The following CLSTN2 variants were observed in gnomAD, a reference collection of about 807,000 sequenced individuals.
CLSTN2 encodes the protein calsyntenin 2.
CLSTN2 carries 48 observed loss-of-function variants against 101.2 expected under a neutral mutation model. The observed-to-expected ratio is 0.47, with a 90% CI of 0.38 to 0.60. The LOEUF is 0.60. CLSTN2 is among the 20% of genes least tolerant of loss of function. CLSTN2 has a pLI of 0.00. For missense variants in CLSTN2, 1,160 were observed against 1,238.2 expected, an observed-to-expected ratio of 0.94 and a Z score of 0.95; for synonymous variants, 481 against 463.6, an observed-to-expected ratio of 1.04 and a Z score of -0.48.
chr3:140,068,770 T>G (rs2008343166), intron 1 of CLSTN2, among the ~76,000 whole-genome samples: 1 of 152,228 alleles, frequency 6.6e-6, no homozygotes, highest in South Asian at 2.1e-4. Context: ...AAACTATCAT[T>G]CATTAAACAT....
intron 1 of CLSTN2, among the ~76,000 whole-genome samples, chr3:140,003,063 T>C (rs1185509453): frequency 6.6e-6 from 1 of 151,968 alleles, no homozygotes; most frequent in Admixed American, 6.6e-5. Flanking sequence ...TGTGGTTCCA[T>C]ATAAATTTTA....
intron 8 of CLSTN2, among the ~76,000 whole-genome samples, chr3:140,525,524 C>A (rs1424996169): frequency 6.6e-6 from 1 of 152,162 alleles, no homozygotes; most frequent in Non-Finnish European, 1.5e-5. Context: ...ACCAATCCTA[C>A]TGAAACTATT....
intron 2 of CLSTN2, among the ~76,000 whole-genome samples, chr3:140,378,505 G>A (rs865837043): frequency 6.6e-6 from 1 of 152,226 alleles, no homozygotes; most frequent in Non-Finnish European, 1.5e-5. Context: ...GAAAGGTGGA[G>A]CTCAAGACGC....
chr3:140,138,485 G>A (rs1401352502), intron 1 of CLSTN2, among the ~76,000 whole-genome samples: 2 of 152,218 alleles, frequency 1.3e-5, no homozygotes, highest in South Asian at 2.1e-4. Context: ...GGGGTCTGGA[G>A]GTAGCACAGT....
chr3:140,225,316 C>T (rs1204199251), intron 2 of CLSTN2, among the ~76,000 whole-genome samples: 1 of 152,148 alleles, frequency 6.6e-6, no homozygotes, highest in Non-Finnish European at 1.5e-5. Context: ...TATCTGGCTC[C>T]TGGAGTGTGA....
At chr3:140,227,869 G>A (rs915990953) in intron 2 of CLSTN2, among the ~76,000 whole-genome samples, 2 of 152,140 alleles carry the variant, frequency 1.3e-5, no homozygotes, top group Non-Finnish European at 2.9e-5. Context: ...AGCTGGAGTG[G>A]CTGGGACACA....
At chr3:140,070,639 T>C (rs1407239214) in intron 1 of CLSTN2, among the ~76,000 whole-genome samples, 1 of 152,196 alleles carries the variant, frequency 6.6e-6, no homozygotes, top group African/African-American at 2.4e-5. Flanking sequence ...ATTTCCCAGC[T>C]ATTAACTATT....
At chr3:140,064,948 T>C (rs2350490) in intron 1 of CLSTN2, among the ~76,000 whole-genome samples, 33,082 of 152,122 alleles carry the variant, frequency 0.22, 4,054 homozygotes, top group East Asian at 0.44. Context: ...TACAAGAAGA[T>C]AATACATATA....
At chr3:140,553,630 CAGTT>C (rs1401484168) in intron 10 of CLSTN2, among the ~76,000 whole-genome samples, 4 of 152,058 alleles carry the variant, frequency 2.6e-5, no homozygotes, top group Non-Finnish European at 5.9e-5. Context: ...CTCTTATACT[CAGTT>C]AGGGAGGTGG....
chr3:139,957,057 A>G (rs1210412754), intron 1 of CLSTN2, among the ~76,000 whole-genome samples: 1 of 152,228 alleles, frequency 6.6e-6, no homozygotes, highest in Non-Finnish European at 1.5e-5. Flanking sequence ...AAGCTGACAG[A>G]TTAAAATATT....
chr3:140,013,035 A>T (rs976721162), intron 1 of CLSTN2, among the ~76,000 whole-genome samples: 2 of 152,172 alleles, frequency 1.3e-5, no homozygotes, highest in Non-Finnish European at 2.9e-5. Context: ...AAGTGTCAGC[A>T]TCATGGAGGC....
At chr3:140,079,110 C>T (rs1463792865) in intron 1 of CLSTN2, among the ~76,000 whole-genome samples, 1 of 152,124 alleles carries the variant, frequency 6.6e-6, no homozygotes, top group African/African-American at 2.4e-5. Flanking sequence ...TGTTATGAGA[C>T]TCAGGTGACA....
At chr3:140,175,800 G>T (rs2010314092) in intron 1 of CLSTN2, 151 bp from the exon 2 acceptor site, 2 of 734,410 alleles carry the variant, frequency 2.7e-6, no homozygotes, top group Admixed American at 3.2e-5. Flanking sequence ...AGCTTTTCTG[G>T]GTTTAAAATG....
At chr3:140,405,373 G>A (rs118103790) in intron 4 of CLSTN2, among the ~76,000 whole-genome samples, 14,171 of 152,078 alleles carry the variant, frequency 0.093, 734 homozygotes, top group East Asian at 0.13. Context: ...GATTACAAGC[G>A]TGCGCCACCA....
chr3:140,363,851 A>C (rs2087755981), intron 2 of CLSTN2, among the ~76,000 whole-genome samples: 1 of 152,204 alleles, frequency 6.6e-6, no homozygotes, highest in Non-Finnish European at 1.5e-5. Context: ...CTAGGAGACC[A>C]AGTGGGTTAC....
At chr3:140,301,643 C>A (rs2087060017) in intron 2 of CLSTN2, among the ~76,000 whole-genome samples, 2 of 152,214 alleles carry the variant, frequency 1.3e-5, no homozygotes, top group South Asian at 4.1e-4. Context: ...TCACAGGGAA[C>A]CCCAGGATTC....
intron 2 of CLSTN2, among the ~76,000 whole-genome samples, chr3:140,230,202 T>G (rs1420190508): frequency 1.3e-5 from 2 of 152,160 alleles, no homozygotes; most frequent in African/African-American, 4.8e-5. Flanking sequence ...TGGTTGCTGA[T>G]GTATGGGACA....
chr3:140,450,727 T>C lies in CLSTN2; in HGVS notation c.973+2023T>C, dbSNP rs984214970. Among the ~76,000 whole-genome samples the C allele has an allele frequency of 4.0e-5, 6 of 151,284 alleles. No individual in the cohort carries two copies. In the East Asian group the frequency reaches 9.7e-4, roughly 24 times the overall value. On this transcript the variant is annotated intron_variant, in intron 6 of 16. Transcript: ENST00000458420. ...TCACACATACGTACACACAAGCACA[T>C]ACACACACATACACACACACAAGCA...
chr3:140,407,225 T>C (rs993484), intron 4 of CLSTN2, among the ~76,000 whole-genome samples: 73,322 of 152,042 alleles, frequency 0.48, 19,336 homozygotes, highest in South Asian at 0.68. Context: ...AGAAGTACTT[T>C]GCATGCTCAT....
Sources: allele counts gnomAD v4.1 joint callset (sites outside exome capture counted in the v4.1 genomes callset), GRCh38; gene constraint gnomAD v4.1.1; transcripts MANE v1.5; gene names NCBI Gene and HGNC (gene_info 2026-07-23, HGNC 2026-07-21).